Variants in ERBB4 observed in about 807,000 individuals in gnomAD.
The protein encoded by ERBB4 is erb-b2 receptor tyrosine kinase 4.
ERBB4 carries 42 observed loss-of-function variants against 158.0 expected under a neutral mutation model. That is an observed-to-expected ratio of 0.27 (90% confidence interval 0.21 to 0.34). ERBB4 has a LOEUF of 0.34. Ranked by LOEUF, ERBB4 falls within the 10% of genes least tolerant of loss-of-function variation. The pLI, the probability that ERBB4 is intolerant of heterozygous loss-of-function variation, is 1.00. For missense variants in ERBB4, 1,333 were observed against 1,624.1 expected (o/e 0.82, Z 3.08); for synonymous variants, 583 against 558.7 (o/e 1.04, Z -0.61).
At chr2:212,313,491 A>G (rs1298050726) in intron 1 of ERBB4, among the ~76,000 whole-genome samples, 2 of 150,746 alleles carry the variant, frequency 1.3e-5, no homozygotes, top group East Asian at 3.9e-4. Flanking sequence ...AACTAACTCT[A>G]CTGTAGCTCT....
rs1304375511 is a variant in ERBB4 at position 211,992,576 on chromosome 2, A to AC, written c.235-44961_235-44960insG. The stretch of plus-strand genomic sequence containing the variant: ...GAGAGAGAGAGAGAGAGAAAAAAAA[A>AC]AAAAACATGAGTTTGTCAGGGGCAG... On this transcript the variant is annotated intron_variant, in intron 2 of 27. Transcript: ENST00000342788. 1.6e-3 allele frequency among the ~76,000 whole-genome samples: 240 copies of AC among 151,856 alleles called. 3 individuals are homozygous for AC. Among genetic ancestry groups the AC allele is most frequent in the African/African-American group, 5.6e-3 (232 of 41,414 alleles).
At chr2:211,956,098 T>C (rs951699709) in intron 2 of ERBB4, among the ~76,000 whole-genome samples, 4 of 152,054 alleles carry the variant, frequency 2.6e-5, no homozygotes, top group Admixed American at 2.6e-4. Flanking sequence ...GGTAGGCTTA[T>C]ATTTTGAAGC....
rs117273439 is a variant in ERBB4, at chr2:212,454,922, C to T, written c.82+83527G>A. ...AATAAAACTCAGGAGAAATGACCGC[C>T]ACCTCACTTCATTTTAGGGAAAACA... is the stretch of plus-strand genomic sequence containing the variant. On this transcript the variant is annotated intron_variant, in intron 1 of 27. Coordinates refer to ENST00000342788, the MANE Select transcript of ERBB4 (RefSeq NM_005235.3). Among the ~76,000 whole-genome samples the T allele has an allele frequency of 2.0e-5, 3 of 152,114 alleles. No homozygotes were observed. The East Asian group carries it at 5.8e-4, about 29-fold the overall frequency.
At chr2:212,327,329 G>T (rs571172986) in intron 1 of ERBB4, among the ~76,000 whole-genome samples, 1 of 152,026 alleles carries the variant, frequency 6.6e-6, no homozygotes, top group South Asian at 2.1e-4. Context: ...ACAAAGTTAG[G>T]TAACTTGTCC....
chr2:211,750,540 C>T, intron 5 of ERBB4, 99 bp downstream of exon 5: 1 of 1,015,306 alleles, frequency 9.8e-7, no homozygotes, highest in South Asian at 1.3e-5. Flanking sequence ...GAGGTGATAG[C>T]TCATTTCATG....
chr2:212,421,531 C>A (rs1415367953), intron 1 of ERBB4, among the ~76,000 whole-genome samples: 1 of 152,096 alleles, frequency 6.6e-6, no homozygotes, highest in Non-Finnish European at 1.5e-5. Flanking sequence ...ATATGAGAAA[C>A]CACTTTCCTT....
intron 25 of ERBB4, among the ~76,000 whole-genome samples, chr2:211,401,590 G>T (rs2063043652): frequency 1.3e-5 from 2 of 152,112 alleles, no homozygotes; most frequent in South Asian, 4.1e-4. Flanking sequence ...AGTCATGTAG[G>T]AAATATTTGA....
intron 2 of ERBB4, among the ~76,000 whole-genome samples, chr2:212,102,489 A>G (rs2079113327): frequency 6.6e-6 from 1 of 152,134 alleles, no homozygotes; most frequent in Non-Finnish European, 1.5e-5. Context: ...TAAAAGAAAA[A>G]AAGTCTCTTT....
chr2:212,334,348 G>A (rs2088327345), intron 1 of ERBB4, among the ~76,000 whole-genome samples: 2 of 151,924 alleles, frequency 1.3e-5, no homozygotes, highest in Admixed American at 1.3e-4. Flanking sequence ...AGACATATTT[G>A]AAATTTTGTT....
intron 1 of ERBB4, among the ~76,000 whole-genome samples, chr2:212,346,193 T>C (rs1315316079): frequency 6.6e-6 from 1 of 152,164 alleles, no homozygotes; most frequent in Non-Finnish European, 1.5e-5. Context: ...ACTATTTTTG[T>C]CAGGTGCATA....
At chr2:211,940,275 T>C (rs2080456009) in intron 3 of ERBB4, among the ~76,000 whole-genome samples, 1 of 152,116 alleles carries the variant, frequency 6.6e-6, no homozygotes, top group Admixed American at 6.5e-5. Flanking sequence ...ATGGAGCCAT[T>C]GTTGTATTAA....
At chr2:211,739,760 C>T (rs375193722) in intron 5 of ERBB4, among the ~76,000 whole-genome samples, 4 of 152,196 alleles carry the variant, frequency 2.6e-5, no homozygotes, top group Non-Finnish European at 5.9e-5. Flanking sequence ...TGAGCCACTG[C>T]GCCCAGCCTC....
intron 3 of ERBB4, among the ~76,000 whole-genome samples, chr2:211,842,126 A>G (rs971409905): frequency 6.6e-6 from 1 of 152,034 alleles, no homozygotes; most frequent in African/African-American, 2.4e-5. Flanking sequence ...ATTATAGATT[A>G]CTCTTAAAGT....
At chr2:212,506,861 A>T (rs749234942) in intron 1 of ERBB4, among the ~76,000 whole-genome samples, 2 of 152,218 alleles carry the variant, frequency 1.3e-5, no homozygotes, top group Non-Finnish European at 1.5e-5. Flanking sequence ...GATCTAGTTA[A>T]TATTATTAAT....
chr2:211,880,954 A>G (rs1404399023), intron 3 of ERBB4, among the ~76,000 whole-genome samples: 1 of 152,184 alleles, frequency 6.6e-6, no homozygotes, highest in Non-Finnish European at 1.5e-5. Context: ...AGACATCTCA[A>G]TTAGTGGAGC....
intron 2 of ERBB4, among the ~76,000 whole-genome samples, chr2:212,065,285 T>C (rs939922320): frequency 6.6e-6 from 1 of 152,168 alleles, no homozygotes; most frequent in East Asian, 1.9e-4. Flanking sequence ...TGAAAGAATG[T>C]TCTCCTTTGT....
chr2:212,464,871 A>T (rs1449412744), intron 1 of ERBB4, among the ~76,000 whole-genome samples: 1 of 149,048 alleles, frequency 6.7e-6, no homozygotes, highest in Admixed American at 6.7e-5. Context: ...AGGTTTTGCA[A>T]TCTATTTAGA....
chr2:212,055,343 C>G (rs531687368), intron 2 of ERBB4, among the ~76,000 whole-genome samples: 1 of 152,184 alleles, frequency 6.6e-6, no homozygotes. Context: ...ATGAGGCCTC[C>G]GTGCTTCTGT....
intron 1 of ERBB4, among the ~76,000 whole-genome samples, chr2:212,315,990 A>G (rs1203267785): frequency 6.6e-6 from 1 of 151,494 alleles, no homozygotes; most frequent in Non-Finnish European, 1.5e-5. Context: ...ATATATGAGG[A>G]AGTAAAAAGC....
Sources: gnomAD v4.1 joint callset for allele counts (sites outside exome capture counted in the v4.1 genomes callset) on GRCh38, gnomAD v4.1.1 for gene constraint, MANE v1.5 for transcripts, NCBI Gene and HGNC (gene_info 2026-07-23, HGNC 2026-07-21) for gene names.